The following CACNA2D1 variants were observed in gnomAD, a reference collection of about 807,000 sequenced individuals.
CACNA2D1 encodes voltage-dependent calcium channel subunit alpha-2/delta-1.
A neutral mutation model predicts 171.5 loss-of-function variants in CACNA2D1; 53 were observed. The ratio of observed to expected loss-of-function variants is 0.31; its 90% confidence interval spans 0.25 to 0.39. CACNA2D1 has a LOEUF of 0.39. Ranked by LOEUF, CACNA2D1 falls within the 10% of genes least tolerant of loss-of-function variation. The pLI is 1.00. For synonymous variants in CACNA2D1, 442 were observed against 443.1 expected (o/e 1.00, Z 0.03); for missense variants, 903 against 1,299.8 (o/e 0.69, Z 4.69).
chr7:82,090,400 A>G (rs1811013972), intron 6 of CACNA2D1, among the ~76,000 whole-genome samples: 1 of 152,124 alleles, frequency 6.6e-6, no homozygotes, highest in East Asian at 1.9e-4. Context: ...GATACTAAAA[A>G]TTATTTTTGT....
chr7:82,426,463 T>G (rs1451501926), intron 1 of CACNA2D1, among the ~76,000 whole-genome samples: 1 of 152,264 alleles, frequency 6.6e-6, no homozygotes, highest in Non-Finnish European at 1.5e-5. Flanking sequence ...GAATTGATAC[T>G]TTAAACAGCA....
intron 4 of CACNA2D1, among the ~76,000 whole-genome samples, chr7:82,164,998 C>T (rs1203516282): frequency 6.6e-6 from 1 of 151,964 alleles, no homozygotes; most frequent in East Asian, 1.9e-4. Context: ...CAGTAATCTA[C>T]TCCAGACTAA....
intron 12 of CACNA2D1, among the ~76,000 whole-genome samples, chr7:82,032,206 A>C (rs1294704396): frequency 6.6e-6 from 1 of 151,918 alleles, no homozygotes; most frequent in Non-Finnish European, 1.5e-5. Flanking sequence ...ATATATTCCA[A>C]CTACAAACAC....
At chr7:82,088,315 T>C (rs920973913) in intron 6 of CACNA2D1, among the ~76,000 whole-genome samples, 1 of 152,106 alleles carries the variant, frequency 6.6e-6, no homozygotes, top group African/African-American at 2.4e-5. Context: ...CATTTTTTCA[T>C]AACAGGAAAA....
chr7:82,325,790 C>A (rs1816581091), intron 3 of CACNA2D1, among the ~76,000 whole-genome samples: 2 of 152,158 alleles, frequency 1.3e-5, no homozygotes, highest in Non-Finnish European at 2.9e-5. Context: ...ACAGCAGGTC[C>A]TCGAATAATG....
intron 1 of CACNA2D1, among the ~76,000 whole-genome samples, chr7:82,372,636 C>A (rs1822537191): frequency 7.0e-6 from 1 of 142,144 alleles, no homozygotes; most frequent in Non-Finnish European, 1.6e-5. Flanking sequence ...TCTAATCTTA[C>A]CTAAGACATA....
At chr7:82,002,491 C>T (rs1798714003) in intron 18 of CACNA2D1, among the ~76,000 whole-genome samples, 1 of 152,126 alleles carries the variant, frequency 6.6e-6, no homozygotes, top group African/African-American at 2.4e-5. Flanking sequence ...CATATTTGTG[C>T]CTTTGTTTTC....
intron 3 of CACNA2D1, among the ~76,000 whole-genome samples, chr7:82,191,137 C>T (rs1174305605): frequency 2.0e-5 from 3 of 151,632 alleles, no homozygotes; most frequent in East Asian, 3.9e-4. Context: ...ATTATTTATA[C>T]AGGATTTATA....
At chr7:81,987,072 G>T (rs1216128792) in intron 21 of CACNA2D1, among the ~76,000 whole-genome samples, 1 of 152,174 alleles carries the variant, frequency 6.6e-6, no homozygotes. Flanking sequence ...AACCCATGAG[G>T]AAGAAAAGAG....
At chr7:81,975,736 C>T (rs1176281821) in intron 24 of CACNA2D1, among the ~76,000 whole-genome samples, 1 of 152,022 alleles carries the variant, frequency 6.6e-6, no homozygotes, top group Non-Finnish European at 1.5e-5. Flanking sequence ...CAAATAATGA[C>T]ACATTATACA....
At position 82,235,205 on chromosome 7, in the gene CACNA2D1, G is replaced by A. The variant is rs11981844; in HGVS notation, c.295-64596C>T. Among the ~76,000 whole-genome samples the A allele has an allele frequency of 9.6e-3, 1,460 of 151,990 alleles. 20 individuals are homozygous for A. The highest frequency in any genetic ancestry group is 0.034 in the African/African-American group (1,390 of 41,452). Reference sequence around the variant, plus strand: ...TGGTAAACTATACAAAGCAATAAACGTTTTGTTCAAATATTCTCTCTGGTA... The same window carrying A: ...TGGTAAACTATACAAAGCAATAAACATTTTGTTCAAATATTCTCTCTGGTA... On this transcript the variant is annotated intron_variant, in intron 3 of 38. Transcript: ENST00000356860.
At chr7:82,080,057 G>GTGTA (rs149472839) in intron 7 of CACNA2D1, among the ~76,000 whole-genome samples, 4 of 148,704 alleles carry the variant, frequency 2.7e-5, no homozygotes, top group South Asian at 2.1e-4. Context: ...ATATATGTGT[G>GTGTA]TATATATATA....
At chr7:82,190,531 A>T (rs773494211) in intron 3 of CACNA2D1, among the ~76,000 whole-genome samples, 2 of 151,696 alleles carry the variant, frequency 1.3e-5, no homozygotes, top group Non-Finnish European at 3.0e-5. Flanking sequence ...CAATTCCCAG[A>T]AAGATAAATT....
intron 4 of CACNA2D1, among the ~76,000 whole-genome samples, chr7:82,151,952 C>T (rs953617282): frequency 6.6e-6 from 1 of 151,940 alleles, no homozygotes; most frequent in Non-Finnish European, 1.5e-5. Context: ...ATTTTTTCCT[C>T]CAACATGTTG....
chr7:82,006,475 A>G (rs1234413324), intron 16 of CACNA2D1, among the ~76,000 whole-genome samples: 1 of 152,104 alleles, frequency 6.6e-6, no homozygotes, highest in Non-Finnish European at 1.5e-5. Context: ...ATAAAGATGG[A>G]AATTGTTTTA....
intron 3 of CACNA2D1, among the ~76,000 whole-genome samples, chr7:82,287,431 A>T (rs1810944579): frequency 6.6e-6 from 1 of 152,164 alleles, no homozygotes; most frequent in Non-Finnish European, 1.5e-5. Flanking sequence ...GAATTCTATT[A>T]TATCTCCTCC....
intron 4 of CACNA2D1, among the ~76,000 whole-genome samples, chr7:82,145,593 G>A (rs558682201): frequency 2.5e-4 from 32 of 129,336 alleles, no homozygotes; most frequent in Admixed American, 1.3e-3. Flanking sequence ...ATTTATATAT[G>A]TAATTTATAT....
intron 3 of CACNA2D1, among the ~76,000 whole-genome samples, chr7:82,224,269 T>C (rs536902675): frequency 1.3e-5 from 2 of 152,314 alleles, no homozygotes; most frequent in Admixed American, 1.3e-4. Flanking sequence ...AACATTTTTC[T>C]TTATCAGAAA....
intron 3 of CACNA2D1, among the ~76,000 whole-genome samples, chr7:82,194,205 G>T (rs1055033725): frequency 1.3e-5 from 2 of 152,036 alleles, no homozygotes; most frequent in Non-Finnish European, 2.9e-5. Flanking sequence ...TGCTCCGTAG[G>T]GCTGGGTTAT....
Sources: allele counts gnomAD v4.1 joint callset (sites outside exome capture counted in the v4.1 genomes callset), GRCh38; gene constraint gnomAD v4.1.1; transcripts MANE v1.5; gene names NCBI Gene and HGNC (gene_info 2026-07-23, HGNC 2026-07-21).